Variants in UBAP2 observed in about 807,000 individuals in gnomAD.
UBAP2 encodes the protein ubiquitin-associated protein 2.
Under a neutral mutation model 139.6 loss-of-function variants are expected in UBAP2, and 75 were observed. The observed-to-expected ratio is 0.54, with a 90% CI of 0.45 to 0.65. UBAP2 has a LOEUF of 0.65. Ranked by LOEUF, UBAP2 falls within the 30% of genes least tolerant of loss-of-function variation. The pLI, the probability that UBAP2 is intolerant of heterozygous loss-of-function variation, is 0.00. For missense variants in UBAP2, 1,368 were observed against 1,369.6 expected, an observed-to-expected ratio of 1.00 and a Z score of 0.02; for synonymous variants, 526 against 526.2, an observed-to-expected ratio of 1.00 and a Z score of 0.01.
chr9:34,046,411 A>G (rs950028184), intron 1 of UBAP2, among the ~76,000 whole-genome samples: 1 of 152,076 alleles, frequency 6.6e-6, no homozygotes, highest in South Asian at 2.1e-4. Flanking sequence ...GCACTTTGGG[A>G]GGCAGGCGGA....
chr9:33,975,445 CA>C (rs200887283), intron 6 of UBAP2, among the ~76,000 whole-genome samples: 7 of 132,948 alleles, frequency 5.3e-5, no homozygotes, highest in Non-Finnish European at 9.4e-5. Context: ...AAAAAAAAAA[CA>C]AAAAAAAAAC....
chr9:34,044,017 G>A (rs1380547458), intron 1 of UBAP2, among the ~76,000 whole-genome samples: 2 of 146,852 alleles, frequency 1.4e-5, no homozygotes, highest in African/African-American at 5.1e-5. Context: ...CTTGAACCCA[G>A]TAGGCGGAGA....
At chr9:34,034,623 C>T (rs1007459730) in intron 1 of UBAP2, among the ~76,000 whole-genome samples, 1 of 152,284 alleles carries the variant, frequency 6.6e-6, no homozygotes, top group Admixed American at 6.5e-5. Flanking sequence ...GCCTGTAATC[C>T]CAGCACTTTG....
chr9:34,009,635 A>C (rs1292502590), intron 2 of UBAP2, among the ~76,000 whole-genome samples: 1 of 151,354 alleles, frequency 6.6e-6, no homozygotes, highest in Non-Finnish European at 1.5e-5. Context: ...AGAAGTTTGT[A>C]ATTTTTGTAG....
intron 1 of UBAP2, among the ~76,000 whole-genome samples, chr9:34,030,894 C>T (rs912252705): frequency 2.0e-5 from 3 of 151,990 alleles, no homozygotes; most frequent in African/African-American, 7.2e-5. Context: ...CGCACCACTG[C>T]ACTCCAACCT....
intron 1 of UBAP2, among the ~76,000 whole-genome samples, chr9:34,034,405 T>TA (rs1397302282): frequency 6.6e-6 from 1 of 152,214 alleles, no homozygotes; most frequent in Non-Finnish European, 1.5e-5. Flanking sequence ...GCAACTTTCT[T>TA]AAAAATGTCT....
chr9:33,955,430 A>C (rs558596086), intron 11 of UBAP2, among the ~76,000 whole-genome samples: 204 of 138,980 alleles, frequency 1.5e-3, no homozygotes, highest in Non-Finnish European at 2.8e-3. Context: ...GAGGCAGAAG[A>C]ATCACTTGAA....
intron 1 of UBAP2, among the ~76,000 whole-genome samples, chr9:34,023,776 T>C (rs539289296): frequency 2.6e-4 from 39 of 152,328 alleles, no homozygotes; most frequent in Admixed American, 3.9e-4. Context: ...CCGGGTGCAG[T>C]AGCTCACGCC....
chr9:34,002,472 G>A (rs1184238902), intron 2 of UBAP2, among the ~76,000 whole-genome samples: 1 of 150,108 alleles, frequency 6.7e-6, no homozygotes, highest in African/African-American at 2.5e-5. Flanking sequence ...CCATCTCCCA[G>A]GTTCAAGCGA....
At chr9:34,047,656 T>C (rs1827724849) in intron 1 of UBAP2, among the ~76,000 whole-genome samples, 1 of 152,134 alleles carries the variant, frequency 6.6e-6, no homozygotes, top group South Asian at 2.1e-4. Flanking sequence ...AAATAAAAGA[T>C]AATCTTTGGA....
intron 19 of UBAP2, among the ~76,000 whole-genome samples, chr9:33,929,670 G>C (rs1410594617): frequency 6.6e-6 from 1 of 152,032 alleles, no homozygotes; most frequent in Non-Finnish European, 1.5e-5. Context: ...TAGAAATAGA[G>C]ACCAAAGACC....
At chr9:34,026,152 G>A (rs1275497058) in intron 1 of UBAP2, among the ~76,000 whole-genome samples, 2 of 152,180 alleles carry the variant, frequency 1.3e-5, no homozygotes, top group South Asian at 4.1e-4. Context: ...AACACTTGCT[G>A]ACAACATACT....
chr9:33,985,401 A>C (rs776983902), intron 6 of UBAP2, among the ~76,000 whole-genome samples: 1 of 152,198 alleles, frequency 6.6e-6, no homozygotes, highest in Non-Finnish European at 1.5e-5. Context: ...AATATTCACA[A>C]ATATAGAGAA....
At chr9:34,005,257 T>C (rs1234965933) in intron 2 of UBAP2, among the ~76,000 whole-genome samples, 1 of 139,860 alleles carries the variant, frequency 7.2e-6, no homozygotes, top group Non-Finnish European at 1.5e-5. Flanking sequence ...AGTGAAACTG[T>C]GTCTCAAGAA....
At chr9:33,953,820 C>G (rs899701243) in intron 11 of UBAP2, among the ~76,000 whole-genome samples, 1 of 152,174 alleles carries the variant, frequency 6.6e-6, no homozygotes, top group Non-Finnish European at 1.5e-5. Flanking sequence ...ATATTTTACC[C>G]ATTTATTACC....
chr9:34,029,287 G>A (rs1002482585), intron 1 of UBAP2, among the ~76,000 whole-genome samples: 2 of 152,164 alleles, frequency 1.3e-5, no homozygotes, highest in African/African-American at 4.8e-5. Context: ...AGCACTTTGG[G>A]AGGCTGAGGA....
At chr9:33,962,931 A>T (rs1437403028) in intron 9 of UBAP2, among the ~76,000 whole-genome samples, 1 of 151,436 alleles carries the variant, frequency 6.6e-6, no homozygotes, top group Non-Finnish European at 1.5e-5. Context: ...GTGAGCCGAG[A>T]TCGCACCATT....
intron 4 of UBAP2, among the ~76,000 whole-genome samples, chr9:33,993,379 G>A (rs1564052367): frequency 6.6e-6 from 1 of 152,178 alleles, no homozygotes. Context: ...TGCTGCAGAT[G>A]GCAACTAGGT....
intron 19 of UBAP2, among the ~76,000 whole-genome samples, chr9:33,930,314 C>T (rs1055859667): frequency 1.8e-4 from 27 of 152,012 alleles, no homozygotes; most frequent in Non-Finnish European, 3.4e-4. Context: ...CGTACTGACC[C>T]GCTACATACA....
Sources: allele counts gnomAD v4.1 joint callset (sites outside exome capture counted in the v4.1 genomes callset), GRCh38; gene constraint gnomAD v4.1.1; transcripts MANE v1.5; gene names NCBI Gene and HGNC (gene_info 2026-07-23, HGNC 2026-07-21).